Variants in THAP9 observed in about 807,000 individuals in gnomAD.
THAP9 encodes the protein DNA transposase THAP9.
Under a neutral mutation model 35.7 loss-of-function variants are expected in THAP9, and 20 were observed. The ratio of observed to expected loss-of-function variants is 0.56; its 90% CI spans 0.39 to 0.81. THAP9 has a LOEUF of 0.81. THAP9 is among the 40% of genes least tolerant of loss of function. The pLI, the probability that THAP9 is intolerant of heterozygous loss-of-function variation, is 0.00. For missense variants in THAP9, 870 were observed against 1,047.4 expected (o/e 0.83, Z 2.34); for synonymous variants, 335 against 373.7 (o/e 0.90, Z 1.19).
chr4:82,906,719 A>G (rs1720663493), intron 3 of THAP9, 92 bp downstream of exon 3: 1 of 1,269,622 alleles, frequency 7.9e-7, no homozygotes, highest in Non-Finnish European at 1.1e-6. Context: ...CTATGAAAAC[A>G]TGCTTTCAGT....
intron 4 of THAP9, among the ~76,000 whole-genome samples, chr4:82,916,148 G>A (rs1721026250): frequency 6.6e-6 from 1 of 152,188 alleles, no homozygotes; most frequent in Non-Finnish European, 1.5e-5. Flanking sequence ...TATGTTACAG[G>A]TGAACATCCT....
chr4:82,909,350 A>G (rs747736522), intron 4 of THAP9, among the ~76,000 whole-genome samples: 5 of 152,198 alleles, frequency 3.3e-5, no homozygotes, highest in Non-Finnish European at 7.4e-5. Flanking sequence ...AAAAAAATTT[A>G]AAGAGGAAAA....
intron 4 of THAP9, among the ~76,000 whole-genome samples, chr4:82,912,402 T>G: frequency 6.6e-6 from 1 of 152,042 alleles, no homozygotes; most frequent in East Asian, 1.9e-4. Context: ...ACAGTGGGAG[T>G]AGCTAAAAGT....
chr4:82,910,571 T>C lies in THAP9; in HGVS notation c.731+2636T>C, dbSNP rs187069459. 1.7e-4 allele frequency: 38 copies of C among 218,910 alleles called. No individual in the cohort carries two copies. In the East Asian group the frequency reaches 5.2e-3, roughly 30 times the overall value. 13.6% of individuals were successfully genotyped at this position (218,910 alleles called of 1,614,324 possible). A position where few individuals can be genotyped will look rare whatever the true frequency, so the allele number is the denominator to read the frequency against. The stretch of plus-strand genomic sequence containing the variant: ...TTATATTAATATAAGATTCTTATAT[T>C]AATGGTATATACGTTTCCATTTATT... On this transcript the variant is annotated intron_variant, in intron 4 of 4. Transcript: ENST00000302236.
chr4:82,918,925 G>A lies in THAP9; in HGVS notation c.*1G>A. On this transcript the variant is annotated 3_prime_UTR_variant, in exon 5 of 5. Coordinates refer to ENST00000302236, the MANE Select transcript of THAP9 (RefSeq NM_024672.6). ...TAACGATGGATATCCATTCAAATGA[G>A]AGACCTAAAATATATTAACATTTTA... 6.4e-7 allele frequency: 1 copy of A among 1,568,990 alleles called. No individual in the cohort carries two copies.
At chr4:82,910,438 TAA>T (rs11306469) in intron 4 of THAP9, among the ~76,000 whole-genome samples, 169 of 148,124 alleles carry the variant, frequency 1.1e-3, no homozygotes, top group East Asian at 7.8e-4. Flanking sequence ...CCAAGTTAAA[TAA>T]AAAAAAAAAC....
At position 82,918,705 on chromosome 4, in the gene THAP9, C is replaced by T; in HGVS notation, c.2493C>T (p.His831=). 1 of 1,613,990 alleles carries T rather than the reference C, an allele frequency of 6.2e-7. No individual in the cohort carries two copies. Among genetic ancestry groups the T allele is most frequent in the Non-Finnish European group, 8.5e-7 (1 of 1,179,926 alleles). ...ATGGAGAAGTGTGTGCCATCAATCA[C>T]TTTGTCAAGTTGCTAAAGGATATAA... ...LFDGEVCAIN[H]FVKLLKDIII... The change falls in exon 5 of 5, where the codon CAC becomes CAT. Residue 831 remains histidine (H), a synonymous_variant. Transcript: ENST00000302236.
At position 82,906,342 on chromosome 4, in the gene THAP9, C is replaced by A. The variant is rs781637926; in HGVS notation, c.295C>A (p.Leu99Ile). Residue 99 changes from leucine (L) to isoleucine (I), a missense_variant, in exon 3 of 5, where the codon CTT (leucine) becomes ATT (isoleucine). Physicochemically the swap from Leu to Ile is conservative, Grantham distance 5. This residue lies in a region of THAP9 where 440 missense variants were observed against 501.2 expected (regional missense o/e 0.88). Transcript: ENST00000302236. ...SLYKIPQGVH[L>I]KGKARQKILK... ...GTCATAGATTCCTCAAGGTGTACAT[C>A]TTAAAGGTAAAGCAAGACAAAAAAT... 1 of 1,600,496 alleles carries A rather than the reference C, an allele frequency of 6.2e-7. No individual in the cohort carries two copies. The highest frequency in any genetic ancestry group is 8.5e-7 in the Non-Finnish European group (1 of 1,173,328).
Position 82,918,844 on chromosome 4 carries a change from G to T in THAP9, c.2632G>T (p.Asp878Tyr), listed in dbSNP as rs770111040. ...AAGGAAACACTGGTCATCTGTACAGGATTATAAATGTTCAAGTTTTGCTAA... is the reference window on the plus strand; with the variant it reads ...AAGGAAACACTGGTCATCTGTACAGTATTATAAATGTTCAAGTTTTGCTAA... ...LSRKHWSSVQ[D>Y]YKCSSFANTS... is the part of the protein sequence containing the mutation. The change falls in exon 5 of 5, where the codon GAT (aspartate) becomes TAT (tyrosine). Residue 878 changes from aspartate to tyrosine, a missense_variant. Transcript: ENST00000302236. 1.2e-6 allele frequency: 2 copies of T among 1,613,260 alleles called. No individual in the cohort carries two copies. Among genetic ancestry groups the T allele is most frequent in the Non-Finnish European group, 1.7e-6 (2 of 1,179,658 alleles).
At chr4:82,901,235 C>T (rs891320004) in intron 1 of THAP9, 7 of 521,350 alleles carry the variant, frequency 1.3e-5, no homozygotes, top group African/African-American at 1.3e-4. Flanking sequence ...GTGGCGTCTT[C>T]CTGAGCACGA....
intron 2 of THAP9, 115 bp downstream of exon 2, chr4:82,905,046 A>C: frequency 1.2e-6 from 1 of 862,850 alleles, no homozygotes. Context: ...TCTTAAATCC[A>C]GTAATAGATT....
In THAP9 at chr4:82,903,208, G is replaced by C. The variant is rs546815707; in HGVS notation, c.81-1528G>C. Among the ~76,000 whole-genome samples, 4 of 152,292 alleles carry C rather than the reference G, an allele frequency of 2.6e-5. No homozygotes were observed. The East Asian group carries it at 7.7e-4, about 29-fold the overall frequency. ...AGAGTAGTTTTGTGCTTTTTATTGT[G>C]TTAATTTCACAAGTTTCTTTTTCTT... On this transcript the variant is annotated intron_variant, in intron 1 of 4. Coordinates refer to ENST00000302236, the MANE Select transcript of THAP9 (RefSeq NM_024672.6).
chr4:82,910,504 A>G, intron 4 of THAP9, among the ~76,000 whole-genome samples: 1 of 150,718 alleles, frequency 6.6e-6, no homozygotes, highest in Middle Eastern at 3.5e-3. Context: ...TTAATGGTAT[A>G]TAGAGCCTCC....
intron 1 of THAP9, among the ~76,000 whole-genome samples, chr4:82,902,203 G>A (rs369744788): frequency 7.4e-6 from 1 of 135,002 alleles, no homozygotes; most frequent in African/African-American, 2.9e-5. Context: ...CTATCTCCCA[G>A]GCTCAAGTGA....
rs1283628452 is a variant in THAP9, at chr4:82,917,249, C to G, written c.1037C>G (p.Ser346Cys). Reference protein sequence around the residue: ...PLGYFFVNRASGYLQAQLLRL... With the variant: ...PLGYFFVNRACGYLQAQLLRL... Reference sequence around the variant, plus strand: ...GGTTATTTTTTTGTAAACAGAGCATCTGGATATTTGCAGGCTCAGCTGCTT... The same window carrying G: ...GGTTATTTTTTTGTAAACAGAGCATGTGGATATTTGCAGGCTCAGCTGCTT... The change falls in exon 5 of 5, where the codon TCT becomes TGT. Residue 346 changes from serine (S) to cysteine (C), a missense_variant. Physicochemically the swap from Ser to Cys is moderately radical, Grantham distance 112. Around this residue, in one of 3 missense-constraint regions of THAP9, gnomAD observed 440 missense variants for 501.2 expected, o/e 0.88. Coordinates refer to ENST00000302236, the MANE Select transcript of THAP9 (RefSeq NM_024672.6). 6.2e-7 allele frequency: 1 copy of G among 1,614,072 alleles called. No individual in the cohort carries two copies. Among genetic ancestry groups the G allele is most frequent in the Non-Finnish European group, 8.5e-7 (1 of 1,180,000 alleles).
chr4:82,912,986 A>T (rs527292905), intron 4 of THAP9, among the ~76,000 whole-genome samples: 2 of 152,314 alleles, frequency 1.3e-5, no homozygotes, highest in Non-Finnish European at 2.9e-5. Flanking sequence ...TGAAAATTAT[A>T]TCTAGGTATG....
In THAP9 at chr4:82,907,824, A is replaced by T. The variant is rs373651819; in HGVS notation, c.620A>T (p.Glu207Val). 2.4e-5 allele frequency: 38 copies of T among 1,606,228 alleles called. No individual in the cohort carries two copies. Among genetic ancestry groups the T allele is most frequent in the Non-Finnish European group, 2.7e-5 (32 of 1,177,302 alleles). The change falls in exon 4 of 5, where the codon GAG (glutamate) becomes GTG (valine). Residue 207 changes from glutamate to valine, a missense_variant. Physicochemically the swap from Glu to Val is moderately radical, Grantham distance 121. Transcript: ENST00000302236. ...TTATATAATTGGAGAGAAACAGATG[A>T]GTACTCCGCAGAAATGAAACAATTT... Reference protein sequence around the residue: ...WELYNWRETDEYSAEMKQFAC... With the variant: ...WELYNWRETDVYSAEMKQFAC...
chr4:82,918,647 A>G lies in THAP9; in HGVS notation c.2435A>G (p.Asn812Ser). The part of the protein sequence containing the change: ...KILCELSGHI[N>S]LFVDVNKHLF... ...TTATGTGAGCTTTCTGGGCATATTA[A>G]TCTTTTTGTAGATGTGAATAAGCAT... The change falls in exon 5 of 5, where the codon AAT (asparagine) becomes AGT (serine). Residue 812 changes from asparagine (N) to serine (S), a missense_variant. Transcript: ENST00000302236. The G allele has an allele frequency of 6.2e-7, 1 of 1,614,048 alleles. No homozygotes were observed. The highest frequency in any genetic ancestry group is 8.5e-7 in the Non-Finnish European group (1 of 1,179,960).
intron 3 of THAP9, 99 bp downstream of exon 3, chr4:82,906,726 C>T: frequency 8.2e-7 from 1 of 1,212,428 alleles, no homozygotes; most frequent in East Asian, 2.6e-5. Context: ...AACATGCTTT[C>T]AGTTGGGAAG....
Sources: allele counts gnomAD v4.1 joint callset (sites outside exome capture counted in the v4.1 genomes callset), GRCh38; gene constraint gnomAD v4.1.1; regional missense constraint gnomAD v4.1.1; transcripts MANE v1.5; gene names NCBI Gene and HGNC (gene_info 2026-07-23, HGNC 2026-07-21).